The following CCDC170 variants were observed in gnomAD, a reference collection of about 807,000 sequenced individuals.
CCDC170 encodes coiled-coil domain containing 170, also known as coiled-coil domain-containing protein 170.
Under a neutral mutation model 72.6 loss-of-function variants are expected in CCDC170, and 69 were observed. The ratio of observed to expected loss-of-function variants is 0.95; its 90% CI spans 0.78 to 1.16. The LOEUF is 1.16. Among genes scored for constraint, CCDC170 ranks in the 50% most tolerant of loss-of-function variants. The probability of loss-of-function intolerance (pLI) is 0.00; values close to 1 mark genes in which losing one functional copy is unlikely to be tolerated. For synonymous variants in CCDC170, 300 were observed against 303.9 expected, an observed-to-expected ratio of 0.99 and a Z score of 0.13; for missense variants, 852 against 832.5, an observed-to-expected ratio of 1.02 and a Z score of -0.29.
chr6:151,585,986 C>T lies in CCDC170; in HGVS notation c.1190C>T (p.Ala397Val). The change falls in exon 7 of 11, where the codon GCA (alanine) becomes GTA (valine). Residue 397 changes from alanine (A) to valine (V), a missense_variant. By Grantham distance (64) the Ala-to-Val change is moderately conservative. Coordinates refer to ENST00000239374, the MANE Select transcript of CCDC170 (RefSeq NM_025059.4). ...HQKALQRAQK[A>V]ENMLETLQGQ... ...AAAGCTCTCCAGAGGGCCCAGAAAG[C>T]AGAGAATATGTTGGAGACTCTTCAG... The T allele has an allele frequency of 3.1e-6, 5 of 1,614,098 alleles. No individual in the cohort carries two copies. The highest frequency in any genetic ancestry group is 1.3e-5 in the African/African-American group (1 of 75,032).
intron 9 of CCDC170, among the ~76,000 whole-genome samples, chr6:151,602,536 A>G (rs932733050): frequency 6.6e-6 from 1 of 152,042 alleles, no homozygotes; most frequent in African/African-American, 2.4e-5. Flanking sequence ...ATCCCCATGT[A>G]TTGAGGGAGG....
chr6:151,590,423 G>A (rs1240943996), intron 7 of CCDC170, among the ~76,000 whole-genome samples: 1 of 152,154 alleles, frequency 6.6e-6, no homozygotes, highest in Non-Finnish European at 1.5e-5. Flanking sequence ...ATAACTCTCA[G>A]TTATGAAAGC....
Position 151,573,398 on chromosome 6 carries a change from C to T in CCDC170, c.999C>T (p.Leu333=), listed in dbSNP as rs750538911. The T allele has an allele frequency of 6.8e-6, 11 of 1,614,010 alleles. No homozygotes were observed. The Admixed American group carries it at 1.7e-4, about 24-fold the overall frequency. ...CATTTAGGGAGAAAATCGCAGCCCT[C>T]CTTAGGGGCAGATTGAGCATGACTG... ...YFSFREKIAA[L]LRGRLSMTGS... is the part of the protein sequence containing the mutation. The change falls in exon 6 of 11, where the codon CTC becomes CTT. Residue 333 remains leucine (L), a synonymous_variant. Coordinates refer to ENST00000239374, the MANE Select transcript of CCDC170 (RefSeq NM_025059.4).
chr6:151,617,997 C>T lies in CCDC170; in HGVS notation c.1998C>T (p.Thr666=). The stretch of plus-strand genomic sequence containing the variant: ...CGCAGATGCTAGGCTTGAACGTGAC[C>T]AGCCTTGCTCTTCCTGATTATGAAA... The part of the protein sequence containing the change: ...VVSQMLGLNV[T]SLALPDYEII... Residue 666 remains threonine, a synonymous_variant, in exon 11 of 11, where the codon ACC becomes ACT. Coordinates refer to ENST00000239374, the MANE Select transcript of CCDC170 (RefSeq NM_025059.4). 6.2e-7 allele frequency: 1 copy of T among 1,614,096 alleles called. No individual in the cohort carries two copies. Among genetic ancestry groups the T allele is most frequent in the Non-Finnish European group, 8.5e-7 (1 of 1,179,986 alleles).
chr6:151,616,522 G>A (rs1335781566), intron 10 of CCDC170, among the ~76,000 whole-genome samples: 1 of 151,938 alleles, frequency 6.6e-6, no homozygotes, highest in Non-Finnish European at 1.5e-5. Flanking sequence ...CAGAGACGGG[G>A]AAAGCCAAAC....
chr6:151,544,518 G>A, intron 3 of CCDC170, 54 bp from the exon 4 acceptor site: 1 of 1,529,442 alleles, frequency 6.5e-7, no homozygotes. Flanking sequence ...TTGGTTTGAT[G>A]AATGTTATCT....
intron 1 of CCDC170, among the ~76,000 whole-genome samples, chr6:151,534,951 T>C (rs1224347387): frequency 6.6e-6 from 1 of 152,210 alleles, no homozygotes; most frequent in Non-Finnish European, 1.5e-5. Flanking sequence ...GGCTTTCTTC[T>C]GTGTCTTTCA....
At chr6:151,500,437 A>T (rs1582998960) in intron 1 of CCDC170, among the ~76,000 whole-genome samples, 1 of 152,040 alleles carries the variant, frequency 6.6e-6, no homozygotes, top group Non-Finnish European at 1.5e-5. Context: ...AAATACAAAC[A>T]TATCAGTAAT....
chr6:151,523,266 G>T (rs565647666), intron 1 of CCDC170, among the ~76,000 whole-genome samples: 5 of 152,244 alleles, frequency 3.3e-5, no homozygotes, highest in African/African-American at 1.2e-4. Flanking sequence ...TCTTCAGGCA[G>T]AGCTAAGGAC....
chr6:151,524,373 C>A (rs528285305), intron 1 of CCDC170, among the ~76,000 whole-genome samples: 1 of 152,296 alleles, frequency 6.6e-6, no homozygotes, highest in South Asian at 2.1e-4. Context: ...CTCCTTTTGA[C>A]TTCTACTTTG....
intron 1 of CCDC170, among the ~76,000 whole-genome samples, chr6:151,499,089 GTATT>G (rs908875706): frequency 7.1e-6 from 1 of 140,080 alleles, no homozygotes; most frequent in East Asian, 2.6e-4. Flanking sequence ...GAATCAGACT[GTATT>G]TGACTATTCT....
In CCDC170 at chr6:151,523,578, C is replaced by T. The variant is rs188615941; in HGVS notation, c.58-12740C>T. ...GTGCACGCCTGTAATCCCAGCTACTCGGGACGCTGAGGCAGGAAAATCTCT... is the reference window on the plus strand; with the variant it reads ...GTGCACGCCTGTAATCCCAGCTACTTGGGACGCTGAGGCAGGAAAATCTCT... On this transcript the variant is annotated intron_variant, in intron 1 of 10. Transcript: ENST00000239374. Among the ~76,000 whole-genome samples the T allele has an allele frequency of 3.4e-3, 510 of 151,488 alleles. 15 individuals carry two copies. The highest frequency in any genetic ancestry group is 3.4e-4 in the Non-Finnish European group (23 of 67,924).
At chr6:151,556,723 C>T (rs1009345151) in intron 5 of CCDC170, among the ~76,000 whole-genome samples, 1 of 152,184 alleles carries the variant, frequency 6.6e-6, no homozygotes, top group African/African-American at 2.4e-5. Context: ...TTTATCATTT[C>T]TGTGTGTTGG....
intron 9 of CCDC170, among the ~76,000 whole-genome samples, chr6:151,604,152 C>T (rs1458049919): frequency 1.3e-5 from 2 of 152,178 alleles, no homozygotes; most frequent in South Asian, 4.1e-4. Flanking sequence ...CTGTGAAGTT[C>T]TCTCCCACTT....
In CCDC170 at chr6:151,510,161, A is replaced by C. The variant is rs117612862; in HGVS notation, c.57+15976A>C. On this transcript the variant is annotated intron_variant, in intron 1 of 10. Transcript: ENST00000239374. ...ACAAATAAACAAACAACAACAACAA[A>C]AAAACATTCTGAGTAAGAGCATGGG... 3.3e-3 allele frequency among the ~76,000 whole-genome samples: 500 copies of C among 152,306 alleles called. 1 individual carries two copies. Among genetic ancestry groups the C allele is most frequent in the Non-Finnish European group, 5.4e-3 (369 of 68,020 alleles).
At chr6:151,521,836 A>T (rs12055461) in intron 1 of CCDC170, among the ~76,000 whole-genome samples, 1 of 151,946 alleles carries the variant, frequency 6.6e-6, no homozygotes. Flanking sequence ...ATACAAAAAA[A>T]TTAGCTGGGC....
At chr6:151,541,879 TA>T (rs1782695886) in intron 3 of CCDC170, among the ~76,000 whole-genome samples, 2 of 62,622 alleles carry the variant, frequency 3.2e-5, no homozygotes, top group African/African-American at 8.9e-5. Flanking sequence ...TATATATATA[TA>T]TATATATTTT....
At chr6:151,519,096 A>C (rs1782277050) in intron 1 of CCDC170, among the ~76,000 whole-genome samples, 1 of 152,130 alleles carries the variant, frequency 6.6e-6, no homozygotes, top group African/African-American at 2.4e-5. Flanking sequence ...CCTCAAATTC[A>C]CCAGGGTGGG....
intron 1 of CCDC170, among the ~76,000 whole-genome samples, chr6:151,525,159 C>G (rs557442089): frequency 4.6e-5 from 7 of 152,252 alleles, no homozygotes; most frequent in African/African-American, 1.4e-4. Flanking sequence ...GTCTCAATCT[C>G]CTGACCTTGT....
Sources: gnomAD v4.1 joint callset for allele counts (sites outside exome capture counted in the v4.1 genomes callset) on GRCh38, gnomAD v4.1.1 for gene constraint, MANE v1.5 for transcripts, NCBI Gene and HGNC (gene_info 2026-07-23, HGNC 2026-07-21) for gene names.